Variants in CEP70 observed in about 807,000 individuals in gnomAD.
The protein encoded by CEP70 is centrosomal protein 70, also known as centrosomal protein of 70 kDa.
In CEP70, 70 loss-of-function variants were observed where a neutral mutation model predicts 90.9. That is an observed-to-expected ratio of 0.77 (90% CI 0.64 to 0.94). The LOEUF (loss-of-function observed/expected upper bound fraction) is 0.94, where lower values mean the gene tolerates loss of function less well. Ranked by LOEUF, CEP70 falls within the 40% of genes least tolerant of loss-of-function variation. The pLI is 0.00. For synonymous variants in CEP70, 220 were observed against 228.3 expected (o/e 0.96, Z 0.33); for missense variants, 648 against 669.0 (o/e 0.97, Z 0.35).
At chr3:138,587,769 C>T (rs1437695064) in intron 2 of CEP70, among the ~76,000 whole-genome samples, 7 of 152,066 alleles carry the variant, frequency 4.6e-5, no homozygotes, top group Non-Finnish European at 1.0e-4. Flanking sequence ...AAGCAAGACC[C>T]TATCTCTAAA....
In CEP70 at chr3:138,537,319, C is replaced by T. The variant is rs773856901; in HGVS notation, c.494G>A (p.Arg165Gln). The T allele has an allele frequency of 1.1e-5, 18 of 1,595,956 alleles. No individual in the cohort carries two copies. Among genetic ancestry groups the T allele is most frequent in the African/African-American group, 9.5e-5 (7 of 73,642 alleles). The change falls in exon 7 of 18, where the codon CGA (arginine) becomes CAA (glutamine). Residue 165 changes from arginine to glutamine, a missense_variant. Physicochemically the swap from Arg to Gln is conservative, Grantham distance 43. Transcript: ENST00000264982. ...QVKCQHYKKK[R>Q]TEQEETIASL... Reference sequence around the variant, plus strand: ...AGCAATAGTTTCTTCTTGCTCCGTTCGTTTTTTCTTATAATGCTGGCACTT... The same window carrying T: ...AGCAATAGTTTCTTCTTGCTCCGTTTGTTTTTTCTTATAATGCTGGCACTT...
intron 6 of CEP70, among the ~76,000 whole-genome samples, chr3:138,549,583 A>G (rs555542359): frequency 6.6e-6 from 1 of 152,184 alleles, no homozygotes; most frequent in East Asian, 1.9e-4. Flanking sequence ...ATCTGAGCTC[A>G]GACACGCCTA....
chr3:138,550,588 C>T (rs2039546520), intron 6 of CEP70, among the ~76,000 whole-genome samples: 1 of 152,196 alleles, frequency 6.6e-6, no homozygotes, highest in Admixed American at 6.5e-5. Context: ...GTCTCAAACT[C>T]CTGACCTCAG....
At chr3:138,495,118 T>G (rs758417188) in intron 17 of CEP70, 42 bp from the exon 18 acceptor site, 2 of 1,212,752 alleles carry the variant, frequency 1.6e-6, no homozygotes, top group African/African-American at 1.5e-5. Context: ...AGTAACTTTT[T>G]CTAGTGGTAA....
At chr3:138,498,139 G>A (rs749675278) in intron 16 of CEP70, 29 bp from the exon 17 acceptor site, 30 of 1,566,350 alleles carry the variant, frequency 1.9e-5, no homozygotes, top group Non-Finnish European at 2.4e-5. Context: ...ATTTAAACCT[G>A]ATTTCTAACT....
At chr3:138,536,998 G>GAAAAAA (rs1167788042) in intron 7 of CEP70, 180 bp downstream of exon 7, 1 of 243,448 alleles carries the variant, frequency 4.1e-6, no homozygotes, top group African/African-American at 6.9e-5. Flanking sequence ...AGGACCTCTA[G>GAAAAAA]AACAAAAAAA....
chr3:138,505,315 C>G lies in CEP70; in HGVS notation c.1201G>C (p.Asp401His). ...CTTACCTTTAAGGATGTCAGTTGAT[C>G]TGCCCACATTTCTATTACAGGAACA... Reference protein sequence around the residue: ...HLVPVIEMWADQLTSLKDLYK... With the variant: ...HLVPVIEMWAHQLTSLKDLYK... The change falls in exon 13 of 18, where the codon GAT becomes CAT. Residue 401 changes from aspartate to histidine, a missense_variant. By Grantham distance (81) the Asp-to-His change is moderately conservative. Coordinates refer to ENST00000264982, the MANE Select transcript of CEP70 (RefSeq NM_024491.4). 1 of 1,609,626 alleles carries G rather than the reference C, an allele frequency of 6.2e-7. No individual in the cohort carries two copies. Among genetic ancestry groups the G allele is most frequent in the African/African-American group, 1.3e-5 (1 of 74,818 alleles).
intron 10 of CEP70, among the ~76,000 whole-genome samples, chr3:138,526,188 T>C (rs2037228029): frequency 6.6e-6 from 1 of 152,076 alleles, no homozygotes; most frequent in African/African-American, 2.4e-5. Context: ...TGAGAAAGGG[T>C]CTCACACTGT....
At chr3:138,511,166 C>CG (rs990026370) in intron 11 of CEP70, among the ~76,000 whole-genome samples, 2 of 152,098 alleles carry the variant, frequency 1.3e-5, no homozygotes, top group African/African-American at 4.8e-5. Flanking sequence ...CCACCGTGCC[C>CG]CCCCAGTCCT....
At chr3:138,506,037 A>C (rs968074741) in intron 12 of CEP70, among the ~76,000 whole-genome samples, 21 of 152,236 alleles carry the variant, frequency 1.4e-4, no homozygotes, top group Non-Finnish European at 2.9e-4. Flanking sequence ...AAAAATTGTT[A>C]GTATTTTGCC....
chr3:138,527,828 A>G (rs1401991126), intron 10 of CEP70, among the ~76,000 whole-genome samples: 2 of 151,928 alleles, frequency 1.3e-5, no homozygotes, highest in Non-Finnish European at 2.9e-5. Flanking sequence ...TGCTGGTATT[A>G]TAGGTATGAG....
chr3:138,536,536 C>A (rs2038278406), intron 7 of CEP70, among the ~76,000 whole-genome samples: 1 of 151,834 alleles, frequency 6.6e-6, no homozygotes, highest in African/African-American at 2.4e-5. Context: ...ATATTAATAT[C>A]AAAGAAAGCT....
intron 2 of CEP70, among the ~76,000 whole-genome samples, chr3:138,589,941 G>A (rs1384927989): frequency 6.6e-6 from 1 of 152,140 alleles, no homozygotes; most frequent in Admixed American, 6.5e-5. Flanking sequence ...ATTAGCTTCA[G>A]GTAGCCAAAA....
chr3:138,529,487 C>T, intron 8 of CEP70, 25 bp from the exon 9 acceptor site: 1 of 1,389,752 alleles, frequency 7.2e-7, no homozygotes, highest in South Asian at 1.2e-5. Flanking sequence ...ATGCAGTATA[C>T]TTATGAAAAA....
chr3:138,572,991 G>GA (rs2041281736), intron 2 of CEP70, 59 bp from the exon 3 acceptor site: 2 of 1,178,538 alleles, frequency 1.7e-6, no homozygotes, highest in African/African-American at 3.1e-5. Flanking sequence ...TTGCCTAAAT[G>GA]AAAAAAGACA....
intron 14 of CEP70, 40 bp from the exon 15 acceptor site, chr3:138,500,607 T>C (rs763245965): frequency 3.2e-6 from 5 of 1,545,410 alleles, no homozygotes; most frequent in South Asian, 1.3e-5. Context: ...GTTCATTATC[T>C]TAAAATAATC....
At chr3:138,530,916 C>T in intron 8 of CEP70, 1 of 901,872 alleles carries the variant, frequency 1.1e-6, no homozygotes, top group South Asian at 5.1e-5. Flanking sequence ...TCCACTCAGT[C>T]AATGAATCCC....
At chr3:138,518,148 A>G (rs1040145335) in intron 11 of CEP70, among the ~76,000 whole-genome samples, 1 of 152,198 alleles carries the variant, frequency 6.6e-6, no homozygotes, top group African/African-American at 2.4e-5. Context: ...GGCGCCCGAC[A>G]TTGCTGAGGC....
chr3:138,523,895 A>G (rs1375406425), intron 11 of CEP70, among the ~76,000 whole-genome samples: 2 of 152,012 alleles, frequency 1.3e-5, no homozygotes, highest in African/African-American at 4.8e-5. Context: ...ATATGGAACC[A>G]AAAAAGAGCC....
Sources: gnomAD v4.1 joint callset for allele counts (sites outside exome capture counted in the v4.1 genomes callset) on GRCh38, gnomAD v4.1.1 for gene constraint, MANE v1.5 for transcripts, NCBI Gene and HGNC (gene_info 2026-07-23, HGNC 2026-07-21) for gene names.